The following MTMR4 variants were observed in gnomAD, a reference collection of about 807,000 sequenced individuals.
MTMR4 encodes myotubularin related protein 4, also known as phosphatidylinositol-3,5-bisphosphate 3-phosphatase MTMR4.
In MTMR4, 30 loss-of-function variants were observed where a neutral mutation model predicts 125.5. That is an observed-to-expected ratio of 0.24 (90% CI 0.18 to 0.32). MTMR4 has a LOEUF of 0.32. Among genes scored for constraint, MTMR4 ranks in the 10% least tolerant of loss-of-function variants. MTMR4 has a pLI of 1.00. For missense variants in MTMR4, 1,039 were observed against 1,511.5 expected (o/e 0.69, Z 5.18); for synonymous variants, 498 against 564.5 (o/e 0.88, Z 1.67).
Position 58,504,558 on chromosome 17 carries a change from T to C in MTMR4, c.1342-70A>G. The C allele has an allele frequency of 1.3e-6, 2 of 1,528,728 alleles. No individual in the cohort carries two copies. The highest frequency in any genetic ancestry group is 1.8e-6 in the Non-Finnish European group (2 of 1,133,074). 94.7% of individuals were successfully genotyped at this position (1,528,728 alleles called of 1,614,324 possible). A position where few individuals can be genotyped will look rare whatever the true frequency, so the allele number is the denominator to read the frequency against. On this transcript the variant is annotated intron_variant, in intron 11 of 17. Coordinates refer to ENST00000682306, the MANE Select transcript of MTMR4 (RefSeq NM_001378067.1). The surrounding 1 kb of genome is among the most constrained non-coding windows in gnomAD (Gnocchi z 7.1). ...GCTGATGTGCTACTCCCCTGGGAAC[T>C]GCCCAAAGCAGGAAGCTGGCAGCTT... is the stretch of plus-strand genomic sequence containing the variant.
chr17:58,506,910 C>A, intron 8 of MTMR4, 39 bp from the exon 9 acceptor site: 2 of 1,599,276 alleles, frequency 1.3e-6, no homozygotes, highest in Non-Finnish European at 1.7e-6. Context: ...AGTCAGCCAG[C>A]CACCCAACCT....
rs753913761 is a variant in MTMR4, at chr17:58,492,513, G to A, written c.3450C>T (p.Cys1150=). The change falls in exon 17 of 18, where the codon TGC becomes TGT. Residue 1150 remains cysteine, a splice_region_variant and synonymous_variant. Transcript: ENST00000682306. ...CTAAATCATACAAAACATCTTACCT[G>A]CAATGGTGTCTTCGTTTGGCCAACC... ...EFWLAKRRHH[C]RNCGNVFCAG... The A allele has an allele frequency of 1.9e-6, 3 of 1,613,702 alleles. No individual in the cohort carries two copies. The South Asian group carries it at 3.3e-5, about 18-fold the overall frequency.
chr17:58,513,993 A>AACATCCCATTCAGCCTACTAGCC (rs1214377489), intron 1 of MTMR4: 2 of 152,438 alleles, frequency 1.3e-5, no homozygotes, highest in Non-Finnish European at 2.9e-5. Flanking sequence ...CCAACCTCCT[A>AACATCCCATTCAGCCTACTAGCC]ACATCCCATT....
chr17:58,504,574 C>A lies in MTMR4; in HGVS notation c.1342-86G>T. 1 of 1,480,292 alleles carries A rather than the reference C, an allele frequency of 6.8e-7. No homozygotes were observed. Among genetic ancestry groups the A allele is most frequent in the South Asian group, 1.3e-5 (1 of 77,024 alleles). 91.7% of individuals were successfully genotyped at this position (1,480,292 alleles called of 1,614,324 possible). A position where few individuals can be genotyped will look rare whatever the true frequency, so the allele number is the denominator to read the frequency against. On this transcript the variant is annotated intron_variant, in intron 11 of 17. Transcript: ENST00000682306. The surrounding 1 kb of genome is among the most constrained non-coding windows in gnomAD (Gnocchi z 7.1). ...CCTGGGAACTGCCCAAAGCAGGAAG[C>A]TGGCAGCTTCAAAGAAAAATAGGAC... is the stretch of plus-strand genomic sequence containing the variant.
At chr17:58,506,371 T>C (rs1013998622) in intron 9 of MTMR4, among the ~76,000 whole-genome samples, 4 of 152,166 alleles carry the variant, frequency 2.6e-5, no homozygotes, top group African/African-American at 9.7e-5. Context: ...GTATTTTTGA[T>C]AGAGGCAGGG....
intron 1 of MTMR4, among the ~76,000 whole-genome samples, chr17:58,513,823 A>T (rs2143939446): frequency 1.3e-5 from 2 of 151,678 alleles, no homozygotes; most frequent in South Asian, 4.1e-4. Context: ...GGAATGATGC[A>T]GAGGTACGGA....
intron 1 of MTMR4, among the ~76,000 whole-genome samples, chr17:58,513,624 C>G (rs955753899): frequency 1.3e-5 from 2 of 151,984 alleles, no homozygotes; most frequent in African/African-American, 4.8e-5. Flanking sequence ...AACTCCCCTC[C>G]CAACCACCAG....
upstream of MTMR4, chr17:58,516,613 T>C (rs1976091680): frequency 6.2e-7 from 1 of 1,614,116 alleles, no homozygotes; most frequent in East Asian, 2.2e-5. Flanking sequence ...GGCTGCCTGC[T>C]TCTCACTGTA....
At chr17:58,491,887 C>T (rs760681557) in intron 17 of MTMR4, 47 bp from the exon 18 acceptor site, 6 of 1,580,822 alleles carry the variant, frequency 3.8e-6, no homozygotes, top group Non-Finnish European at 5.2e-6. Context: ...TGCCAATATA[C>T]TGGCCAGGCA....
At position 58,495,379 on chromosome 17, in the gene MTMR4, C is replaced by A. The variant is rs765065318; in HGVS notation, c.2805G>T (p.Glu935Asp). 6.2e-7 allele frequency: 1 copy of A among 1,614,218 alleles called. No homozygotes were observed. Among genetic ancestry groups the A allele is most frequent in the Non-Finnish European group, 8.5e-7 (1 of 1,180,044 alleles). ...AGGAAAGCAGCCGCCGAGGGGTGGC[C>A]TCCCCACTTGGGAATGAAGTCACCA... ...QGMVTSFPSG[E>D]ATPRRLLSYG... The change falls in exon 15 of 18, where the codon GAG becomes GAT. Residue 935 changes from glutamate (E) to aspartate (D), a missense_variant. Transcript: ENST00000682306.
intron 14 of MTMR4, among the ~76,000 whole-genome samples, chr17:58,501,879 TA>T (rs1975643570): frequency 1.3e-5 from 2 of 151,656 alleles, no homozygotes; most frequent in Admixed American, 6.6e-5. Context: ...ACCAACATGG[TA>T]AAACCCCGTC....
chr17:58,504,559 G>T lies in MTMR4; in HGVS notation c.1342-71C>A, dbSNP rs535802884. On this transcript the variant is annotated intron_variant, in intron 11 of 17. Transcript: ENST00000682306. The surrounding 1 kb of genome is among the most constrained non-coding windows in gnomAD (Gnocchi z 7.1). Reference sequence around the variant, plus strand: ...CTGATGTGCTACTCCCCTGGGAACTGCCCAAAGCAGGAAGCTGGCAGCTTC... The same window carrying T: ...CTGATGTGCTACTCCCCTGGGAACTTCCCAAAGCAGGAAGCTGGCAGCTTC... 23 of 1,521,296 alleles carry T rather than the reference G, an allele frequency of 1.5e-5. No homozygotes were observed. In the Admixed American group the frequency reaches 3.5e-4, roughly 23 times the overall value. 94.2% of individuals were successfully genotyped at this position (1,521,296 alleles called of 1,614,324 possible).
In MTMR4 at chr17:58,501,575, G is replaced by GTATATATATAGTATACATATATACACACA. The variant is rs1567931027; in HGVS notation, c.1853+2140_1853+2168dup. On this transcript the variant is annotated intron_variant, in intron 14 of 17. Coordinates refer to ENST00000682306, the MANE Select transcript of MTMR4 (RefSeq NM_001378067.1). The stretch of plus-strand genomic sequence containing the variant: ...TACACGTATATATGTATATATGTGT[G>GTATATATATAGTATACATATATACACACA]TATATATATAGTATACATATATACA... 4.6e-5 allele frequency among the ~76,000 whole-genome samples: 7 copies of GTATATATATAGTATACATATATACACACA among 150,812 alleles called. No homozygotes were observed. The East Asian group carries it at 1.4e-3, about 29-fold the overall frequency.
rs534587503 is a variant in MTMR4, at chr17:58,512,705, C to T, written c.135+147G>A. The T allele has an allele frequency of 2.8e-5, 22 of 792,530 alleles. No homozygotes were observed. The highest frequency in any genetic ancestry group is 1.9e-4 in the African/African-American group (11 of 57,804). The allele number at this position is 792,530 out of a possible 1,614,324, so 49.1% of individuals were successfully genotyped here. A position where few individuals can be genotyped will look rare whatever the true frequency, so the allele number is the denominator to read the frequency against. On this transcript the variant is annotated intron_variant, in intron 2 of 17. Coordinates refer to ENST00000682306, the MANE Select transcript of MTMR4 (RefSeq NM_001378067.1). This position sits in a 1 kb window ranked among gnomAD's most constrained non-coding sequence, Gnocchi z 4.1. ...CCCTGCGGCCAAAGGCTCCAGGATGCGCAGACAAACCCTCCTCCTCCAGAG... is the reference window on the plus strand; with the variant it reads ...CCCTGCGGCCAAAGGCTCCAGGATGTGCAGACAAACCCTCCTCCTCCAGAG...
Position 58,508,674 on chromosome 17 carries a change from G to A in MTMR4, c.496+7C>T. On this transcript the variant is annotated splice_region_variant and intron_variant, in intron 5 of 17. Coordinates refer to ENST00000682306, the MANE Select transcript of MTMR4 (RefSeq NM_001378067.1). This position sits in a 1 kb window ranked among gnomAD's most constrained non-coding sequence, Gnocchi z 4.8. ...GCAGCCTCCCAAAGAAAATAGACTG[G>A]CCTCACCTGGCTGACATAGGTGAGT... The A allele has an allele frequency of 6.2e-7, 1 of 1,614,006 alleles. No individual in the cohort carries two copies. The highest frequency in any genetic ancestry group is 8.5e-7 in the Non-Finnish European group (1 of 1,179,888).
intron 4 of MTMR4, among the ~76,000 whole-genome samples, chr17:58,509,323 C>T (rs1458379444): frequency 6.6e-6 from 1 of 151,412 alleles, no homozygotes; most frequent in African/African-American, 2.4e-5. Context: ...TAGTTTCAGT[C>T]TCACCTCTTC....
At chr17:58,509,748 C>T (rs540349656) in intron 4 of MTMR4, among the ~76,000 whole-genome samples, 1 of 152,218 alleles carries the variant, frequency 6.6e-6, no homozygotes, top group African/African-American at 2.4e-5. Flanking sequence ...ACACATTTTC[C>T]CATAGCATAT....
chr17:58,504,898 TA>T lies in MTMR4; in HGVS notation c.1221del (p.Asn408IlefsTer3). On this transcript the variant is annotated frameshift_variant, in exon 11 of 18. Coordinates refer to ENST00000682306, the MANE Select transcript of MTMR4 (RefSeq NM_001378067.1). LOFTEE classifies it high-confidence loss of function. This position sits in a 1 kb window ranked among gnomAD's most constrained non-coding sequence, Gnocchi z 7.1. ...GGCCGGCCTTCCCGGTCTACTGTAT[TA>T]GCCACCAGCACAGCTGCTTTTAGCA... ...SVMLKAAVLV[A>X]NTVDREGRPV... 6.2e-7 allele frequency: 1 copy of T among 1,614,234 alleles called. No homozygotes were observed. Among genetic ancestry groups the T allele is most frequent in the Non-Finnish European group, 8.5e-7 (1 of 1,180,040 alleles).
chr17:58,510,891 T>A (rs997603197), intron 4 of MTMR4: 4 of 152,246 alleles, frequency 2.6e-5, no homozygotes, highest in African/African-American at 9.7e-5. Context: ...TGTTTTACAA[T>A]CTTCACCCTC....
Sources: allele counts gnomAD v4.1 joint callset (sites outside exome capture counted in the v4.1 genomes callset), GRCh38; gene constraint gnomAD v4.1.1; non-coding constraint Gnocchi (gnomAD v3.1); transcripts MANE v1.5; gene names NCBI Gene and HGNC (gene_info 2026-07-23, HGNC 2026-07-21).